Variants in HSPA14 observed in about 807,000 individuals in gnomAD.
The protein encoded by HSPA14 is heat shock 70 kDa protein 14.
A neutral mutation model predicts 65.5 loss-of-function variants in HSPA14; 37 were observed. The observed-to-expected ratio is 0.56, with a 90% CI of 0.43 to 0.74. The LOEUF is 0.74. Ranked by LOEUF, HSPA14 falls within the 30% of genes least tolerant of loss-of-function variation. The pLI, the probability that HSPA14 is intolerant of heterozygous loss-of-function variation, is 0.00. For missense variants in HSPA14, 564 were observed against 607.6 expected (o/e 0.93, Z 0.75); for synonymous variants, 203 against 214.2 (o/e 0.95, Z 0.46).
Position 14,854,120 on chromosome 10 carries a change from T to C in HSPA14, c.735-5T>C. On this transcript the variant is annotated splice_region_variant and splice_polypyrimidine_tract_variant and intron_variant, in intron 8 of 13. Transcript: ENST00000378372. ...TAAACCCCAAAGGCTATGTTTTTAATTTAGATCCTTCAAACATGATGTGAG... is the reference window on the plus strand; with the variant it reads ...TAAACCCCAAAGGCTATGTTTTTAACTTAGATCCTTCAAACATGATGTGAG... The C allele has an allele frequency of 6.3e-7, 1 of 1,589,640 alleles. No individual in the cohort carries two copies. The highest frequency in any genetic ancestry group is 8.5e-7 in the Non-Finnish European group (1 of 1,171,834).
chr10:14,862,371 C>A (rs963093494), intron 10 of HSPA14, among the ~76,000 whole-genome samples: 2 of 142,192 alleles, frequency 1.4e-5, no homozygotes, highest in African/African-American at 5.3e-5. Context: ...TCTTTCTTTT[C>A]TTTTCTTTTT....
chr10:14,845,946 A>C lies in HSPA14; in HGVS notation c.222-2663A>C. ...CCTAGTACCTTCCAGCTCTAAAAAA[A>C]TTTGAAATAGCATAATAAAAGACAA... is the stretch of plus-strand genomic sequence containing the variant. On this transcript the variant is annotated intron_variant, in intron 3 of 13. Transcript: ENST00000378372. The C allele has an allele frequency of 1.2e-5, 10 of 848,720 alleles. No homozygotes were observed. The South Asian group carries it at 3.8e-4, about 32-fold the overall frequency. The allele number at this position is 848,720 out of a possible 1,614,324, so 52.6% of individuals were successfully genotyped here. A position where few individuals can be genotyped will look rare whatever the true frequency, so the allele number is the denominator to read the frequency against.
chr10:14,856,510 T>C lies in HSPA14; in HGVS notation c.993+567T>C, dbSNP rs1832695585. On this transcript the variant is annotated intron_variant, in intron 10 of 13. Coordinates refer to ENST00000378372, the MANE Select transcript of HSPA14 (RefSeq NM_016299.4). ...AGACTTTCAAAAAAATTCAAATGTT[T>C]AGTATTTTCTTTTTTTTCCCCAAAA... Among the ~76,000 whole-genome samples, 3 of 152,334 alleles carry C rather than the reference T, an allele frequency of 2.0e-5. No homozygotes were observed. The South Asian group carries it at 6.2e-4, about 32-fold the overall frequency.
At chr10:14,838,719 G>A (rs1373415585) in intron 1 of HSPA14, 1 of 476,768 alleles carries the variant, frequency 2.1e-6, no homozygotes, top group South Asian at 3.1e-5. Flanking sequence ...GCGGCGGGAT[G>A]CCCGGAGGGG....
chr10:14,859,187 G>A (rs1455707858), intron 10 of HSPA14, among the ~76,000 whole-genome samples: 2 of 151,974 alleles, frequency 1.3e-5, no homozygotes, highest in East Asian at 1.9e-4. Context: ...ATGTGTTGAC[G>A]ACCTCCCTCC....
intron 3 of HSPA14, chr10:14,846,083 T>G (rs1021507970): frequency 1.7e-5 from 17 of 980,790 alleles, no homozygotes; most frequent in Admixed American, 6.2e-5. Context: ...TTTATTAATA[T>G]GCTCATGAAC....
chr10:14,868,144 G>C (rs548443124), intron 12 of HSPA14, among the ~76,000 whole-genome samples: 1 of 152,322 alleles, frequency 6.6e-6, no homozygotes, highest in African/African-American at 2.4e-5. Flanking sequence ...CTGCTTCTCT[G>C]TTGTGCTCTT....
At chr10:14,851,609 G>A (rs1196441917) in intron 7 of HSPA14, among the ~76,000 whole-genome samples, 5 of 152,158 alleles carry the variant, frequency 3.3e-5, no homozygotes, top group African/African-American at 9.7e-5. Context: ...CTCAAGCTAC[G>A]ACACTGCTGA....
chr10:14,846,974 A>G (rs1404758191), intron 3 of HSPA14: 1 of 985,418 alleles, frequency 1.0e-6, no homozygotes, highest in Non-Finnish European at 1.2e-6. Flanking sequence ...CCTGGTGTGG[A>G]CAAATAAAGT....
intron 8 of HSPA14, among the ~76,000 whole-genome samples, chr10:14,852,768 C>T (rs917142919): frequency 6.6e-6 from 1 of 152,030 alleles, no homozygotes; most frequent in African/African-American, 2.4e-5. Flanking sequence ...GTAAAGAGAC[C>T]GTCAGATACT....
intron 3 of HSPA14, chr10:14,843,386 C>A (rs1286852861): frequency 1.3e-6 from 2 of 1,550,690 alleles, no homozygotes; most frequent in African/African-American, 2.7e-5. Flanking sequence ...TCTCAAGGGA[C>A]CCCCAGCTAC....
chr10:14,867,325 GTA>G (rs770300356), intron 11 of HSPA14, 30 bp downstream of exon 11: 11 of 1,466,660 alleles, frequency 7.5e-6, no homozygotes, highest in Non-Finnish European at 9.5e-6. Context: ...ACTAGTTAAG[GTA>G]TGTTTAGCTT....
intron 10 of HSPA14, among the ~76,000 whole-genome samples, chr10:14,856,911 A>G (rs1290100298): frequency 6.6e-6 from 1 of 152,180 alleles, no homozygotes; most frequent in Non-Finnish European, 1.5e-5. Context: ...TCATTATTGA[A>G]GTAGTAAGTA....
chr10:14,867,802 C>T lies in HSPA14; in HGVS notation c.1273C>T (p.Arg425Ter). The change falls in exon 12 of 14, where the codon CGA becomes TGA. Residue 425 changes from arginine to a stop codon, truncating the protein, a stop_gained. Coordinates refer to ENST00000378372, the MANE Select transcript of HSPA14 (RefSeq NM_016299.4). LOFTEE classifies it high-confidence loss of function. ...LFPSGTPLPA[R>*]RQHTLQAPGS... is the part of the protein sequence containing the mutation. ...TCCATCAGGGACTCCTTTGCCAGCTCGAAGACAACACACATTGCAAGCCCC... is the reference window on the plus strand; with the variant it reads ...TCCATCAGGGACTCCTTTGCCAGCTTGAAGACAACACACATTGCAAGCCCC... 6.2e-7 allele frequency: 1 copy of T among 1,613,978 alleles called. No individual in the cohort carries two copies. Among genetic ancestry groups the T allele is most frequent in the Non-Finnish European group, 8.5e-7 (1 of 1,179,990 alleles).
intron 3 of HSPA14, chr10:14,845,579 G>T: frequency 1.0e-6 from 1 of 958,352 alleles, no homozygotes; most frequent in Non-Finnish European, 1.2e-6. Context: ...CAAATCACTT[G>T]CCCTTTTCTA....
At chr10:14,845,396 G>A (rs1234916806) in intron 3 of HSPA14, 1 of 985,204 alleles carries the variant, frequency 1.0e-6, no homozygotes, top group African/African-American at 1.7e-5. Context: ...ATGGACATAG[G>A]TGGAGAAATG....
At chr10:14,839,091 A>G (rs1016506658) in intron 1 of HSPA14, among the ~76,000 whole-genome samples, 7 of 152,166 alleles carry the variant, frequency 4.6e-5, no homozygotes, top group Non-Finnish European at 8.8e-5. Flanking sequence ...AAGCCAGTTG[A>G]TGGTGCGTGG....
intron 1 of HSPA14, 112 bp from the exon 2 acceptor site, chr10:14,839,793 T>C: frequency 1.6e-6 from 1 of 623,140 alleles, no homozygotes; most frequent in Admixed American, 2.5e-5. Context: ...AAGTTTAAAA[T>C]ATTGAGATAG....
chr10:14,845,395 G>A (rs1025685804), intron 3 of HSPA14: 1 of 985,216 alleles, frequency 1.0e-6, no homozygotes, highest in Non-Finnish European at 1.2e-6. Flanking sequence ...AATGGACATA[G>A]GTGGAGAAAT....
Sources: gnomAD v4.1 joint callset for allele counts (sites outside exome capture counted in the v4.1 genomes callset) on GRCh38, gnomAD v4.1.1 for gene constraint, MANE v1.5 for transcripts, NCBI Gene and HGNC (gene_info 2026-07-23, HGNC 2026-07-21) for gene names.